The following SH3GL2 variants were observed in gnomAD, a reference collection of about 807,000 sequenced individuals.
SH3GL2 encodes the protein SH3 domain containing GRB2 like 2, endophilin A1.
SH3GL2 carries 24 observed loss-of-function variants against 46.0 expected under a neutral mutation model. The ratio of observed to expected loss-of-function variants is 0.52; its 90% CI spans 0.38 to 0.73. The LOEUF is 0.73. Among genes scored for constraint, SH3GL2 ranks in the 30% least tolerant of loss-of-function variants. The pLI, the probability that SH3GL2 is intolerant of heterozygous loss-of-function variation, is 0.00. For missense variants in SH3GL2, 413 were observed against 424.2 expected, an observed-to-expected ratio of 0.97 and a Z score of 0.23; for synonymous variants, 196 against 147.1, an observed-to-expected ratio of 1.33 and a Z score of -2.40.
intron 1 of SH3GL2, among the ~76,000 whole-genome samples, chr9:17,667,897 A>G (rs1016272007): frequency 2.0e-5 from 3 of 152,174 alleles, no homozygotes; most frequent in Non-Finnish European, 4.4e-5. Context: ...TGTTTCTCTT[A>G]AGACTAAGGA....
chr9:17,582,578 G>T (rs1487200684), intron 1 of SH3GL2, among the ~76,000 whole-genome samples: 1 of 152,152 alleles, frequency 6.6e-6, no homozygotes, highest in Non-Finnish European at 1.5e-5. Context: ...ATATGATGTG[G>T]ACACATTTTG....
intron 1 of SH3GL2, among the ~76,000 whole-genome samples, chr9:17,674,104 G>A (rs995008370): frequency 1.3e-5 from 2 of 152,120 alleles, no homozygotes; most frequent in African/African-American, 2.4e-5. Context: ...CATAATTGTG[G>A]CAAGAAATGT....
At chr9:17,764,524 A>T (rs1436745187) in intron 3 of SH3GL2, among the ~76,000 whole-genome samples, 2 of 152,350 alleles carry the variant, frequency 1.3e-5, no homozygotes, top group East Asian at 3.9e-4. Flanking sequence ...TGGATACTGA[A>T]TGCTGGTTCT....
chr9:17,782,229 T>A (rs1007394921), intron 3 of SH3GL2, among the ~76,000 whole-genome samples: 20 of 152,162 alleles, frequency 1.3e-4, no homozygotes, highest in African/African-American at 4.8e-4. Context: ...TTTTTTAAAC[T>A]CCTTGGTGTG....
rs374577453 is a variant in SH3GL2 at position 17,786,332 on chromosome 9, G to A, written c.188-49G>A. 3.1e-5 allele frequency: 49 copies of A among 1,558,306 alleles called. No homozygotes were observed. In the African/African-American group the frequency reaches 3.6e-4, roughly 11 times the overall value. Reference sequence around the variant, plus strand: ...TGATCCTCCATCCAGCCCTATTTCCGCAGTGTCACATTGCCTACTCTGAAA... The same window carrying A: ...TGATCCTCCATCCAGCCCTATTTCCACAGTGTCACATTGCCTACTCTGAAA... On this transcript the variant is annotated intron_variant, in intron 3 of 8. Coordinates refer to ENST00000380607, the MANE Select transcript of SH3GL2 (RefSeq NM_003026.5).
intron 1 of SH3GL2, among the ~76,000 whole-genome samples, chr9:17,619,677 C>CAAAAAA (rs369116747): frequency 3.4e-5 from 5 of 146,304 alleles, no homozygotes; most frequent in African/African-American, 1.0e-4. Context: ...AACTCCATCT[C>CAAAAAA]AAAAAAAAAA....
At chr9:17,622,501 T>G (rs986393553) in intron 1 of SH3GL2, among the ~76,000 whole-genome samples, 2 of 152,054 alleles carry the variant, frequency 1.3e-5, no homozygotes, top group African/African-American at 4.8e-5. Context: ...GCAAAGAACC[T>G]CCTATTTCCA....
At chr9:17,731,823 G>A (rs577303021) in intron 1 of SH3GL2, among the ~76,000 whole-genome samples, 4 of 152,150 alleles carry the variant, frequency 2.6e-5, no homozygotes, top group East Asian at 3.9e-4. Flanking sequence ...GATTTGCATC[G>A]GTGCTGGTCT....
At chr9:17,601,140 C>G (rs16935791) in intron 1 of SH3GL2, among the ~76,000 whole-genome samples, 2,874 of 152,226 alleles carry the variant, frequency 0.019, 79 homozygotes, top group African/African-American at 0.066. Context: ...AACGTCTTCA[C>G]CTAATAGGTC....
At chr9:17,739,186 C>A (rs987432382) in intron 1 of SH3GL2, among the ~76,000 whole-genome samples, 1 of 152,054 alleles carries the variant, frequency 6.6e-6, no homozygotes, top group East Asian at 1.9e-4. Context: ...TTTCTCTTAA[C>A]AAATGAGAAA....
chr9:17,588,652 G>T (rs902787529), intron 1 of SH3GL2, among the ~76,000 whole-genome samples: 4 of 152,172 alleles, frequency 2.6e-5, no homozygotes, highest in Admixed American at 2.0e-4. Flanking sequence ...GAGAGGAAGG[G>T]AATTCTTCCC....
At chr9:17,773,888 A>C (rs1214116994) in intron 3 of SH3GL2, among the ~76,000 whole-genome samples, 2 of 152,112 alleles carry the variant, frequency 1.3e-5, no homozygotes, top group Admixed American at 1.3e-4. Context: ...GCTTTGAATA[A>C]TGTTGACATC....
chr9:17,756,144 C>T (rs1290270243), intron 2 of SH3GL2, among the ~76,000 whole-genome samples: 1 of 152,004 alleles, frequency 6.6e-6, no homozygotes, highest in African/African-American at 2.4e-5. Flanking sequence ...TCCAACAAAA[C>T]TTTATCTAAG....
chr9:17,611,221 A>C (rs1347177260), intron 1 of SH3GL2, among the ~76,000 whole-genome samples: 1 of 152,208 alleles, frequency 6.6e-6, no homozygotes, highest in Non-Finnish European at 1.5e-5. Context: ...ATAGGGAAAT[A>C]TACAGGTTGA....
chr9:17,727,667 A>T (rs1822057742), intron 1 of SH3GL2, among the ~76,000 whole-genome samples: 1 of 152,178 alleles, frequency 6.6e-6, no homozygotes, highest in African/African-American at 2.4e-5. Flanking sequence ...TGGGAATGTG[A>T]ATCAGTGGAT....
intron 1 of SH3GL2, among the ~76,000 whole-genome samples, chr9:17,734,789 G>A (rs1822280565): frequency 2.0e-5 from 3 of 152,044 alleles, no homozygotes; most frequent in Admixed American, 2.0e-4. Context: ...GGTTACCAAG[G>A]TTGGAATGGA....
intron 1 of SH3GL2, among the ~76,000 whole-genome samples, chr9:17,643,064 T>C (rs914121433): frequency 3.7e-4 from 57 of 152,230 alleles, no homozygotes; most frequent in African/African-American, 1.3e-3. Flanking sequence ...GTTATTTCCT[T>C]GAGCAGTGGT....
chr9:17,592,402 C>T (rs189141330), intron 1 of SH3GL2, among the ~76,000 whole-genome samples: 5 of 152,272 alleles, frequency 3.3e-5, no homozygotes, highest in Non-Finnish European at 4.4e-5. Flanking sequence ...GTTAAGTTGA[C>T]ACATAAAATT....
rs138056865 is a variant in SH3GL2, at chr9:17,581,495, A to G, written c.45+2208A>G. Among the ~76,000 whole-genome samples the G allele has an allele frequency of 2.5e-3, 374 of 152,316 alleles. 2 individuals are homozygous for G. The highest frequency in any genetic ancestry group is 8.4e-3 in the African/African-American group (351 of 41,576). ...ACAGGTGACTGTTCTGTGCATATGTATATTTAGGAGAGTATGTAAAGCCCA... is the reference window on the plus strand; with the variant it reads ...ACAGGTGACTGTTCTGTGCATATGTGTATTTAGGAGAGTATGTAAAGCCCA... On this transcript the variant is annotated intron_variant, in intron 1 of 8. Transcript: ENST00000380607.
Sources: gnomAD v4.1 joint callset for allele counts (sites outside exome capture counted in the v4.1 genomes callset) on GRCh38, gnomAD v4.1.1 for gene constraint, MANE v1.5 for transcripts, NCBI Gene and HGNC (gene_info 2026-07-23, HGNC 2026-07-21) for gene names.